Variants in KLHDC10 observed in about 807,000 individuals in gnomAD.
KLHDC10 encodes the protein kelch domain containing 10.
KLHDC10 carries 24 observed loss-of-function variants against 56.1 expected under a neutral mutation model. That is an observed-to-expected ratio of 0.43 (90% CI 0.31 to 0.60). KLHDC10 has a LOEUF of 0.60. KLHDC10 is among the 20% of genes least tolerant of loss of function. The pLI, the probability that KLHDC10 is intolerant of heterozygous loss-of-function variation, is 0.11. For synonymous variants in KLHDC10, 188 were observed against 207.1 expected, an observed-to-expected ratio of 0.91 and a Z score of 0.79; for missense variants, 349 against 567.0, an observed-to-expected ratio of 0.62 and a Z score of 3.91.
In KLHDC10 at chr7:130,116,691, C is replaced by A; in HGVS notation, c.475+25C>A. The A allele has an allele frequency of 6.4e-7, 1 of 1,564,138 alleles. No homozygotes were observed. The highest frequency in any genetic ancestry group is 1.1e-5 in the South Asian group (1 of 90,016). ...CGTGAGTGCAAGCAGTTCGTAACTC[C>A]TGACTTTATGAAATGTCTGAGAAGC... On this transcript the variant is annotated intron_variant, in intron 3 of 9. Transcript: ENST00000335420. This position sits in a 1 kb window ranked among gnomAD's most constrained non-coding sequence, Gnocchi z 4.8.
intron 1 of KLHDC10, among the ~76,000 whole-genome samples, chr7:130,080,180 C>A (rs1383690682): frequency 2.0e-5 from 3 of 152,000 alleles, no homozygotes; most frequent in Non-Finnish European, 4.4e-5. Flanking sequence ...GGCCTCCAGT[C>A]ATCCTCTCAC....
chr7:130,070,796 G>A lies in KLHDC10; in HGVS notation c.153G>A (p.Arg51=). The stretch of plus-strand genomic sequence containing the variant: ...ACCGCTTCGTGCAACTCTCCGGGCG[G>A]CCGCACCTGCCAGGTGAGTCGTGGG... ...QLNRFVQLSG[R]PHLPGKKKIR... Residue 51 remains arginine (R), a synonymous_variant, in exon 1 of 10, where the codon CGG becomes CGA. Transcript: ENST00000335420. The A allele has an allele frequency of 7.7e-7, 1 of 1,306,744 alleles. No individual in the cohort carries two copies. The allele number at this position is 1,306,744 out of a possible 1,614,324, so 80.9% of individuals were successfully genotyped here. A position where few individuals can be genotyped will look rare whatever the true frequency, so the allele number is the denominator to read the frequency against.
In KLHDC10 at chr7:130,135,123, T is replaced by A. The variant is rs1039213518; in HGVS notation, c.*4377T>A. The A allele has an allele frequency of 2.0e-5, 3 of 150,670 alleles. No individual in the cohort carries two copies. The highest frequency in any genetic ancestry group is 4.9e-5 in the African/African-American group (2 of 40,674). The allele number at this position is 150,670 out of a possible 1,614,324, so 9.3% of individuals were successfully genotyped here. A position where few individuals can be genotyped will look rare whatever the true frequency, so the allele number is the denominator to read the frequency against. Reference sequence around the variant, plus strand: ...AAAAAAAAAAAAAAACAACTTTTTATAAGTTTTTTAAGGGCCCTGCTTAGT... The same window carrying A: ...AAAAAAAAAAAAAAACAACTTTTTAAAAGTTTTTTAAGGGCCCTGCTTAGT... On this transcript the variant is annotated 3_prime_UTR_variant, in exon 10 of 10. Coordinates refer to ENST00000335420, the MANE Select transcript of KLHDC10 (RefSeq NM_014997.4).
rs537876724 is a variant in KLHDC10, at chr7:130,134,011, T to A, written c.*3265T>A. On this transcript the variant is annotated 3_prime_UTR_variant, in exon 10 of 10. Transcript: ENST00000335420. ...CCTTAAATAGCTAGATTTTAAAGCA[T>A]AATAAGCATATTAACATTTTTAAGC... 4 of 152,240 alleles carry A rather than the reference T, an allele frequency of 2.6e-5. No individual in the cohort carries two copies. Among genetic ancestry groups the A allele is most frequent in the African/African-American group, 9.6e-5 (4 of 41,470 alleles). 9.4% of individuals were successfully genotyped at this position (152,240 alleles called of 1,614,324 possible).
At chr7:130,117,381 G>C (rs1337266242) in intron 3 of KLHDC10, 3 of 152,794 alleles carry the variant, frequency 2.0e-5, no homozygotes, top group African/African-American at 7.2e-5. Flanking sequence ...TTTCTCTGTA[G>C]CATTTAATGC....
intron 2 of KLHDC10, among the ~76,000 whole-genome samples, chr7:130,105,615 TA>T (rs1272560289): frequency 2.6e-5 from 4 of 152,112 alleles, no homozygotes; most frequent in African/African-American, 9.7e-5. Flanking sequence ...AATAAAGCTA[TA>T]AAAAGACAAC....
chr7:130,077,171 A>G (rs987692620), intron 1 of KLHDC10, among the ~76,000 whole-genome samples: 18 of 151,748 alleles, frequency 1.2e-4, no homozygotes, highest in African/African-American at 3.9e-4. Flanking sequence ...TCTGACCAAC[A>G]TGGGGAAACC....
At chr7:130,125,825 A>G in intron 6 of KLHDC10, 40 bp from the exon 7 acceptor site, 1 of 1,453,632 alleles carries the variant, frequency 6.9e-7, no homozygotes, top group East Asian at 2.3e-5. Context: ...TAAAATTACA[A>G]TTATTTATGT....
chr7:130,133,039 A>T lies in KLHDC10; in HGVS notation c.*2293A>T, dbSNP rs2116930950. The T allele has an allele frequency of 6.6e-6, 1 of 152,346 alleles. No individual in the cohort carries two copies. Among genetic ancestry groups the T allele is most frequent in the Non-Finnish European group, 1.5e-5 (1 of 68,044 alleles). 9.4% of individuals were successfully genotyped at this position (152,346 alleles called of 1,614,324 possible). A position where few individuals can be genotyped will look rare whatever the true frequency, so the allele number is the denominator to read the frequency against. On this transcript the variant is annotated 3_prime_UTR_variant, in exon 10 of 10. Transcript: ENST00000335420. The stretch of plus-strand genomic sequence containing the variant: ...TTGAGGTAGACCTTGGAGGCCTGAC[A>T]TCGAAGACCTGTGTGTTTTATTTTC...
At chr7:130,109,742 G>A (rs140236342) in intron 2 of KLHDC10, among the ~76,000 whole-genome samples, 17 of 152,204 alleles carry the variant, frequency 1.1e-4, no homozygotes, top group African/African-American at 4.1e-4. Context: ...AGTTTCAAGC[G>A]ATTCTCATGC....
At chr7:130,117,123 A>G (rs1282979386) in intron 3 of KLHDC10, among the ~76,000 whole-genome samples, 2 of 152,204 alleles carry the variant, frequency 1.3e-5, no homozygotes, top group African/African-American at 4.8e-5. Context: ...AGTCTCTTTC[A>G]TGTGCAATAG....
At chr7:130,112,354 GACAT>G (rs1426623823) in intron 2 of KLHDC10, among the ~76,000 whole-genome samples, 1 of 152,158 alleles carries the variant, frequency 6.6e-6, no homozygotes, top group Non-Finnish European at 1.5e-5. Context: ...ACATCACAGG[GACAT>G]AATCCTTTAG....
Position 130,130,661 on chromosome 7 carries a change from C to G in KLHDC10, c.1244C>G (p.Ala415Gly). 1 of 1,614,118 alleles carries G rather than the reference C, an allele frequency of 6.2e-7. No individual in the cohort carries two copies. The highest frequency in any genetic ancestry group is 8.5e-7 in the Non-Finnish European group (1 of 1,180,026). The change falls in exon 10 of 10, where the codon GCG becomes GGG. Residue 415 changes from alanine to glycine, a missense_variant. Physicochemically the swap from Ala to Gly is moderately conservative, Grantham distance 60. Coordinates refer to ENST00000335420, the MANE Select transcript of KLHDC10 (RefSeq NM_014997.4). This position sits in a 1 kb window ranked among gnomAD's most constrained non-coding sequence, Gnocchi z 4.2. Reference sequence around the variant, plus strand: ...GAACTGGCATGGGAGAAGCTGCTTGCGGCCTTCCCTAACCTTGCAAACCTC... The same window carrying G: ...GAACTGGCATGGGAGAAGCTGCTTGGGGCCTTCCCTAACCTTGCAAACCTC... ...LLELAWEKLL[A>G]AFPNLANLSR...
chr7:130,078,785 T>C (rs1795554897), intron 1 of KLHDC10, among the ~76,000 whole-genome samples: 1 of 152,228 alleles, frequency 6.6e-6, no homozygotes, highest in South Asian at 2.1e-4. Flanking sequence ...CCCGAAGTGT[T>C]GGGATTACAG....
chr7:130,072,160 T>G (rs1795423649), intron 1 of KLHDC10, among the ~76,000 whole-genome samples: 2 of 152,192 alleles, frequency 1.3e-5, no homozygotes, highest in Admixed American at 1.3e-4. Flanking sequence ...AAACTTAGAT[T>G]TTTGTGTATT....
At chr7:130,104,111 A>G (rs1460688996) in intron 2 of KLHDC10, among the ~76,000 whole-genome samples, 3 of 152,168 alleles carry the variant, frequency 2.0e-5, no homozygotes, top group African/African-American at 7.2e-5. Flanking sequence ...TAAGAAAAAT[A>G]AAATACACTT....
At chr7:130,127,722 C>T (rs1269677306) in intron 8 of KLHDC10, among the ~76,000 whole-genome samples, 1 of 152,214 alleles carries the variant, frequency 6.6e-6, no homozygotes, top group Non-Finnish European at 1.5e-5. Flanking sequence ...CAGCATCCCA[C>T]ACCTCAACAG....
chr7:130,103,376 GATC>G (rs1357502816), intron 2 of KLHDC10, among the ~76,000 whole-genome samples: 1 of 144,520 alleles, frequency 6.9e-6, no homozygotes, highest in Admixed American at 7.1e-5. Context: ...AGTGAGCTGA[GATC>G]ATGTCACTGC....
intron 5 of KLHDC10, among the ~76,000 whole-genome samples, chr7:130,123,147 C>T (rs2116913300): frequency 6.6e-6 from 1 of 152,296 alleles, no homozygotes; most frequent in East Asian, 1.9e-4. Flanking sequence ...ATATCTTTCA[C>T]TTTTCTTTCC....
Sources: allele counts gnomAD v4.1 joint callset (sites outside exome capture counted in the v4.1 genomes callset), GRCh38; gene constraint gnomAD v4.1.1; non-coding constraint Gnocchi (gnomAD v3.1); transcripts MANE v1.5; gene names NCBI Gene and HGNC (gene_info 2026-07-23, HGNC 2026-07-21).